Variants in CNTN5 observed in about 807,000 individuals in gnomAD.
The protein encoded by CNTN5 is contactin 5, also known as contactin-5.
In CNTN5, 77 loss-of-function variants were observed where a neutral mutation model predicts 129.1. The observed-to-expected ratio is 0.60, with a 90% CI of 0.50 to 0.72. The LOEUF is 0.72. Among genes scored for constraint, CNTN5 ranks in the 30% least tolerant of loss-of-function variants. The probability of loss-of-function intolerance (pLI) is 0.00; values close to 1 mark genes in which losing one functional copy is unlikely to be tolerated. For synonymous variants in CNTN5, 509 were observed against 465.6 expected (o/e 1.09, Z -1.20); for missense variants, 1,478 against 1,328.8 (o/e 1.11, Z -1.75).
At chr11:99,287,545 A>T (rs1329399212) in intron 1 of CNTN5, among the ~76,000 whole-genome samples, 2 of 152,082 alleles carry the variant, frequency 1.3e-5, no homozygotes, top group Admixed American at 6.6e-5. Context: ...ATACTGTCCC[A>T]ATAATCTTTT....
intron 1 of CNTN5, among the ~76,000 whole-genome samples, chr11:99,208,512 C>T (rs560100910): frequency 1.8e-4 from 28 of 152,168 alleles, no homozygotes; most frequent in African/African-American, 6.0e-4. Flanking sequence ...AATCTGCAAT[C>T]GATTTACAAG....
intron 3 of CNTN5, among the ~76,000 whole-genome samples, chr11:99,577,516 G>A (rs1296520425): frequency 6.6e-6 from 1 of 152,084 alleles, no homozygotes. Flanking sequence ...GAAGCAATTT[G>A]CTGTAACTTA....
chr11:99,279,650 C>T (rs1432281140), intron 1 of CNTN5, among the ~76,000 whole-genome samples: 2 of 151,516 alleles, frequency 1.3e-5, no homozygotes, highest in African/African-American at 4.8e-5. Flanking sequence ...TATTTTTATA[C>T]TTCAGTAAAC....
chr11:99,911,225 A>T (rs1264712445), intron 6 of CNTN5, among the ~76,000 whole-genome samples: 1 of 152,056 alleles, frequency 6.6e-6, no homozygotes, highest in South Asian at 2.1e-4. Flanking sequence ...ATTAAATCGT[A>T]TCTGTGTTCA....
intron 1 of CNTN5, among the ~76,000 whole-genome samples, chr11:99,231,164 T>C (rs1860974330): frequency 6.6e-6 from 1 of 152,216 alleles, no homozygotes; most frequent in South Asian, 2.1e-4. Flanking sequence ...TTTGGGTATA[T>C]ACCCAGTAAC....
intron 4 of CNTN5, among the ~76,000 whole-genome samples, chr11:99,824,065 C>A (rs1168030778): frequency 3.3e-5 from 5 of 151,918 alleles, no homozygotes; most frequent in African/African-American, 7.2e-5. Flanking sequence ...TATTCATTCC[C>A]TTTTTGTAAA....
chr11:100,116,515 A>T (rs1399219074), intron 13 of CNTN5, among the ~76,000 whole-genome samples: 1 of 151,968 alleles, frequency 6.6e-6, no homozygotes, highest in Non-Finnish European at 1.5e-5. Context: ...TTAGAAAAAA[A>T]AAAAGACTTT....
intron 6 of CNTN5, among the ~76,000 whole-genome samples, chr11:99,877,562 C>T (rs753299540): frequency 1.3e-5 from 2 of 151,978 alleles, no homozygotes; most frequent in African/African-American, 2.4e-5. Context: ...TCCAATCAAC[C>T]ATTCAGATTT....
chr11:99,711,150 C>A (rs955980609), intron 3 of CNTN5, among the ~76,000 whole-genome samples: 1 of 151,760 alleles, frequency 6.6e-6, no homozygotes, highest in Admixed American at 6.6e-5. Flanking sequence ...ACAAAAAAAT[C>A]CCTGATTTTA....
At chr11:99,544,101 C>A (rs569638456) in intron 2 of CNTN5, among the ~76,000 whole-genome samples, 1 of 152,000 alleles carries the variant, frequency 6.6e-6, no homozygotes, top group African/African-American at 2.4e-5. Flanking sequence ...GCTGTATAAG[C>A]GTGGCACTGG....
intron 13 of CNTN5, among the ~76,000 whole-genome samples, chr11:100,092,717 T>C (rs1426806833): frequency 6.6e-6 from 1 of 152,126 alleles, no homozygotes; most frequent in Non-Finnish European, 1.5e-5. Context: ...TCTTCCCCCA[T>C]ACTGAGATCA....
chr11:99,545,118 TA>T (rs1948248530), intron 2 of CNTN5, among the ~76,000 whole-genome samples: 1 of 152,240 alleles, frequency 6.6e-6, no homozygotes, highest in Non-Finnish European at 1.5e-5. Context: ...GCTTATTTTT[TA>T]TCAGACATTT....
At chr11:99,201,337 CTTCCTTCCT>C (rs1356752714) in intron 1 of CNTN5, among the ~76,000 whole-genome samples, 3 of 80,300 alleles carry the variant, frequency 3.7e-5, no homozygotes, top group African/African-American at 1.1e-4. Flanking sequence ...TCCTTCCTTC[CTTCCTTCCT>C]TTCCTTTCCT....
At chr11:99,247,939 T>C (rs1295902597) in intron 1 of CNTN5, among the ~76,000 whole-genome samples, 1 of 152,190 alleles carries the variant, frequency 6.6e-6, no homozygotes, top group African/African-American at 2.4e-5. Flanking sequence ...CAAGTGTCTT[T>C]ATAGCAGCAT....
intron 2 of CNTN5, among the ~76,000 whole-genome samples, chr11:99,353,416 A>G (rs1000193465): frequency 6.6e-5 from 10 of 152,196 alleles, no homozygotes; most frequent in Non-Finnish European, 1.3e-4. Context: ...ATGCTTGTCC[A>G]AACTAGTATT....
At chr11:99,702,112 A>G (rs1954548255) in intron 3 of CNTN5, among the ~76,000 whole-genome samples, 1 of 151,104 alleles carries the variant, frequency 6.6e-6, no homozygotes. Context: ...ACAAAAGCTC[A>G]CAAAAACTAC....
rs183315769 is a variant in CNTN5, at chr11:100,323,601, G to A, written c.2730+15133G>A. ...TTCTTAATATCTGTAAGATCTGTGG[G>A]ATATTTTCTTTCTGTCAGTATTTAT... is the stretch of plus-strand genomic sequence containing the variant. On this transcript the variant is annotated intron_variant, in intron 21 of 24. Transcript: ENST00000524871. Among the ~76,000 whole-genome samples the A allele has an allele frequency of 6.9e-3, 1,051 of 151,470 alleles. 11 individuals are homozygous for A. The highest frequency in any genetic ancestry group is 0.031 in the Middle Eastern group (9 of 292).
chr11:99,403,476 T>G (rs61892017), intron 2 of CNTN5, among the ~76,000 whole-genome samples: 37,846 of 152,130 alleles, frequency 0.25, 5,735 homozygotes, highest in Non-Finnish European at 0.35. Context: ...TTCTCCTTTT[T>G]GATGTGAGCA....
At chr11:99,316,068 G>A (rs1400802218) in intron 1 of CNTN5, among the ~76,000 whole-genome samples, 1 of 151,780 alleles carries the variant, frequency 6.6e-6, no homozygotes, top group African/African-American at 2.4e-5. Flanking sequence ...CATACTTTTT[G>A]TTTCTAGAGG....
Sources: gnomAD v4.1 joint callset for allele counts (sites outside exome capture counted in the v4.1 genomes callset) on GRCh38, gnomAD v4.1.1 for gene constraint, MANE v1.5 for transcripts, NCBI Gene and HGNC (gene_info 2026-07-23, HGNC 2026-07-21) for gene names.